Variants in OFD1 observed in about 807,000 individuals in gnomAD.
The protein encoded by OFD1 is OFD1 centriole and centriolar satellite protein, also known as centriole and centriolar satellite protein OFD1.
Under a neutral mutation model 81.4 loss-of-function variants are expected in OFD1, and 12 were observed. The observed-to-expected ratio is 0.15, with a 90% confidence interval of 0.09 to 0.24. OFD1 has a LOEUF of 0.24. OFD1 is among the 10% of genes least tolerant of loss of function. The pLI is 1.00. For missense variants in OFD1, 685 were observed against 733.9 expected, an observed-to-expected ratio of 0.93 and a Z score of 0.77; for synonymous variants, 256 against 263.7, an observed-to-expected ratio of 0.97 and a Z score of 0.28.
intron 5 of OFD1, among the ~76,000 whole-genome samples, chrX:13,743,053 G>C (rs1334373376): frequency 8.9e-6 from 1 of 112,121 alleles, no homozygotes; most frequent in African/African-American, 3.2e-5. Flanking sequence ...AGTAATTTAT[G>C]CTTGTGGTTT....
intron 4 of OFD1, 41 bp from the exon 5 acceptor site, chrX:13,738,961 A>C: frequency 8.5e-7 from 1 of 1,181,658 alleles, no homozygotes; most frequent in Non-Finnish European, 1.2e-6. Flanking sequence ...GTTAATTATA[A>C]CTGAATAGCT....
chrX:13,730,807 T>C (rs1216231054), upstream of OFD1, among the ~76,000 whole-genome samples: 1 of 108,099 alleles, frequency 9.3e-6, no homozygotes, highest in Non-Finnish European at 1.9e-5. Context: ...CTGAGCAAAC[T>C]ATCACAAGGA....
At chrX:13,716,331 G>T in the OFD1 span, 1 of 561,593 alleles carries the variant, frequency 1.8e-6, no homozygotes, top group South Asian at 3.2e-5. Flanking sequence ...CTCTTTTTGT[G>T]TATGAGACTT....
At position 13,739,099 on chromosome X, in the gene OFD1, A is replaced by T. The variant is rs760432704; in HGVS notation, c.412+67A>T. 1.1e-5 allele frequency: 11 copies of T among 978,490 alleles called. No individual in the cohort carries two copies. In the African/African-American group the frequency reaches 1.9e-4, roughly 17 times the overall value. 80.6% of individuals were successfully genotyped at this position (978,490 alleles called of 1,213,427 possible). A position where few individuals can be genotyped will look rare whatever the true frequency, so the allele number is the denominator to read the frequency against. On this transcript the variant is annotated intron_variant, in intron 5 of 22. Transcript: ENST00000340096. ...ATGTACTTTTTCCTCTAAAAGAATG[A>T]AGCAAATTTTTAGGGAGAAGAGTAA...
At chrX:13,724,629 C>T in the OFD1 span, among the ~76,000 whole-genome samples, 3 of 111,876 alleles carry the variant, frequency 2.7e-5, no homozygotes, top group Admixed American at 9.5e-5. Context: ...TCTAGGGATC[C>T]GTTCCAAGAT....
chrX:13,771,417 T>C (rs1317436391), downstream of OFD1: 2 of 111,838 alleles, frequency 1.8e-5, no homozygotes, highest in Non-Finnish European at 3.8e-5. Flanking sequence ...AAATAGGCAT[T>C]TTTAGGCATT....
chrX:13,760,203 C>G lies in OFD1; in HGVS notation c.1743C>G (p.Cys581Trp), dbSNP rs983722470. 1.7e-6 allele frequency: 2 copies of G among 1,211,560 alleles called. No homozygotes were observed. The highest frequency in any genetic ancestry group is 2.2e-6 in the Non-Finnish European group (2 of 895,354). The change falls in exon 16 of 23, where the codon TGC (cysteine) becomes TGG (tryptophan). Residue 581 changes from cysteine to tryptophan, a missense_variant. By Grantham distance (215) the Cys-to-Trp change is radical. Transcript: ENST00000340096. ...TAATAAATGGCAATGTGGTGCCTTG[C>G]AATGGTGAGATAAGTGGGGATTTCT... is the stretch of plus-strand genomic sequence containing the variant. ...NGLINGNVVP[C>W]NGEISGDFLN...
At chrX:13,747,598 C>T (rs2047344426) in intron 8 of OFD1, among the ~76,000 whole-genome samples, 1 of 111,362 alleles carries the variant, frequency 9.0e-6, no homozygotes, top group African/African-American at 3.3e-5. Flanking sequence ...TGGCTGCTAA[C>T]CTAGGGGGAA....
At chrX:13,762,099 T>G (rs747559247) in intron 17 of OFD1, among the ~76,000 whole-genome samples, 14 of 110,768 alleles carry the variant, frequency 1.3e-4, no homozygotes, top group Non-Finnish European at 2.6e-4. Context: ...AGTACAACAT[T>G]ATTCTTTATT....
downstream of OFD1, among the ~76,000 whole-genome samples, chrX:13,769,664 A>G (rs750883019): frequency 4.5e-5 from 5 of 112,007 alleles, no homozygotes; most frequent in East Asian, 1.4e-3. Flanking sequence ...TGATAGAATT[A>G]AGAGGTGGCA....
At chrX:13,729,903 C>T (rs763643413), upstream of OFD1, among the ~76,000 whole-genome samples, 10 of 111,027 alleles carry the variant, frequency 9.0e-5, no homozygotes, top group South Asian at 3.7e-4. Flanking sequence ...AGTGAAACTT[C>T]GTCTCAAAAA....
chrX:13,761,348 G>T (rs2047922833), intron 17 of OFD1, 137 bp downstream of exon 17: 2 of 650,084 alleles, frequency 3.1e-6, no homozygotes, highest in South Asian at 2.7e-5. Flanking sequence ...TTTGCAATCA[G>T]ATTGCAAAAT....
chrX:13,717,590 T>C, the OFD1 span, among the ~76,000 whole-genome samples: 2 of 110,027 alleles, frequency 1.8e-5, no homozygotes, highest in African/African-American at 3.3e-5. Flanking sequence ...AATACAAAAA[T>C]TGGCCGGCTG....
Position 13,758,261 on chromosome X carries a change from TA to T in OFD1, c.1543-74del, listed in dbSNP as rs1381736924. The T allele has an allele frequency of 5.6e-6, 4 of 709,285 alleles. No individual in the cohort carries two copies. The East Asian group carries it at 1.3e-4, about 23-fold the overall frequency. 58.5% of individuals were successfully genotyped at this position (709,285 alleles called of 1,213,427 possible). A position where few individuals can be genotyped will look rare whatever the true frequency, so the allele number is the denominator to read the frequency against. On this transcript the variant is annotated intron_variant, in intron 14 of 22. Transcript: ENST00000340096. ...CAGAACAAAAAGAGTACAAACATGATAAGAGAACTTTTCCTTTTGAAGCAAG... is the reference window on the plus strand; with the variant it reads ...CAGAACAAAAAGAGTACAAACATGATAGAGAACTTTTCCTTTTGAAGCAAG...
At position 13,746,963 on chromosome X, in the gene OFD1, A is replaced by G. The variant is rs1193337615; in HGVS notation, c.828+10A>G. On this transcript the variant is annotated intron_variant, in intron 8 of 22. Coordinates refer to ENST00000340096, the MANE Select transcript of OFD1 (RefSeq NM_003611.3). ...TCACAAGCACCAAGAGGTGGTATTTACAAATATTTTATGGGTGGCTATTTC... is the reference window on the plus strand; with the variant it reads ...TCACAAGCACCAAGAGGTGGTATTTGCAAATATTTTATGGGTGGCTATTTC... The G allele has an allele frequency of 8.3e-7, 1 of 1,204,921 alleles. No homozygotes were observed. Among genetic ancestry groups the G allele is most frequent in the Non-Finnish European group, 1.1e-6 (1 of 889,269 alleles).
chrX:13,755,946 C>CTTTTTTTTTTTTTTTTTTTTTTT (rs34300430), intron 12 of OFD1, among the ~76,000 whole-genome samples: 10 of 65,091 alleles, frequency 1.5e-4, no homozygotes, highest in African/African-American at 5.9e-4. Flanking sequence ...CTTTCTTTCC[C>CTTTTTTTTTTTTTTTTTTTTTTT]TTTTTTTTTT....
At chrX:13,725,949 C>T in the OFD1 span, among the ~76,000 whole-genome samples, 14 of 111,882 alleles carry the variant, frequency 1.3e-4, no homozygotes, top group African/African-American at 4.2e-4. Flanking sequence ...GGCACAAGAA[C>T]TTCATGATGC....
chrX:13,763,693 T>G, intron 18 of OFD1, 52 bp from the exon 19 acceptor site: 1 of 1,023,724 alleles, frequency 9.8e-7, no homozygotes, highest in Admixed American at 2.2e-5. Context: ...ACTGCCCTTC[T>G]TTGTCTTGGT....
rs2046788442 is a variant in OFD1, at chrX:13,734,823, G to A, written c.-249G>A. On this transcript the variant is annotated 5_prime_UTR_variant, in exon 1 of 23. Transcript: ENST00000340096. ...GTCCCCGCCCTCCAGCCGCCTTTGA[G>A]TCGTGCCTGGGTCCTCGCCCTTGCC... The A allele has an allele frequency of 3.0e-5, 32 of 1,077,702 alleles. No homozygotes were observed. The highest frequency in any genetic ancestry group is 3.7e-5 in the Non-Finnish European group (31 of 837,231). 88.8% of individuals were successfully genotyped at this position (1,077,702 alleles called of 1,213,427 possible).
Sources: allele counts gnomAD v4.1 joint callset (sites outside exome capture counted in the v4.1 genomes callset), GRCh38; gene constraint gnomAD v4.1.1; transcripts MANE v1.5; gene names NCBI Gene and HGNC (gene_info 2026-07-23, HGNC 2026-07-21).